PLEKHA1: variants seen among roughly 807,000 people sequenced by gnomAD.
The protein encoded by PLEKHA1 is pleckstrin homology domain-containing family A member 1.
A neutral mutation model predicts 52.0 loss-of-function variants in PLEKHA1; 34 were observed. The observed-to-expected ratio is 0.65, with a 90% confidence interval of 0.50 to 0.87. The LOEUF (loss-of-function observed/expected upper bound fraction) is 0.87. Ranked by LOEUF, PLEKHA1 falls within the 40% of genes least tolerant of loss-of-function variation. The pLI is 0.00. For synonymous variants in PLEKHA1, 163 were observed against 170.7 expected, an observed-to-expected ratio of 0.95 and a Z score of 0.35; for missense variants, 497 against 504.2, an observed-to-expected ratio of 0.99 and a Z score of 0.14.
intron 11 of PLEKHA1, among the ~76,000 whole-genome samples, chr10:122,429,111 A>C (rs2133708990): frequency 6.6e-6 from 1 of 152,364 alleles, no homozygotes; most frequent in African/African-American, 2.4e-5. Flanking sequence ...ACTAAGTCTT[A>C]TCAGCAGAAT....
At position 122,432,127 on chromosome 10, in the gene PLEKHA1, T is replaced by G. The variant is rs2097420896; in HGVS notation, c.*2189T>G. ...AGTCTATGGAAATTATTTAATTATT[T>G]TAAAACGTACACACTTTTCTTGTAA... On this transcript the variant is annotated 3_prime_UTR_variant, in exon 12 of 12. Coordinates refer to ENST00000368990, the MANE Select transcript of PLEKHA1 (RefSeq NM_001001974.4). 1 of 152,224 alleles carries G rather than the reference T, an allele frequency of 6.6e-6. No homozygotes were observed. Among genetic ancestry groups the G allele is most frequent in the Non-Finnish European group, 1.5e-5 (1 of 68,042 alleles). The allele number at this position is 152,224 out of a possible 1,614,324, so 9.4% of individuals were successfully genotyped here.
At chr10:122,391,792 G>T (rs908878174) in intron 1 of PLEKHA1, among the ~76,000 whole-genome samples, 1 of 151,308 alleles carries the variant, frequency 6.6e-6, no homozygotes, top group African/African-American at 2.4e-5. Context: ...TTCCTTTAAA[G>T]TATCAGATTT....
intron 1 of PLEKHA1, chr10:122,392,154 A>G (rs2096784895): frequency 6.6e-6 from 1 of 152,192 alleles, no homozygotes; most frequent in African/African-American, 2.4e-5. Flanking sequence ...TTTAACTTTA[A>G]TCAGTACAAT....
At chr10:122,388,802 G>A (rs903305721) in intron 1 of PLEKHA1, among the ~76,000 whole-genome samples, 17 of 152,186 alleles carry the variant, frequency 1.1e-4, no homozygotes, top group African/African-American at 4.1e-4. Flanking sequence ...GATAGTGGTT[G>A]CTGAAGGTAG....
intron 1 of PLEKHA1, among the ~76,000 whole-genome samples, chr10:122,388,613 C>T (rs2096733497): frequency 6.6e-6 from 1 of 152,180 alleles, no homozygotes; most frequent in Non-Finnish European, 1.5e-5. Flanking sequence ...ACTATGTTTA[C>T]ACTATACTGT....
rs1288367931 is a variant in PLEKHA1, at chr10:122,393,468, T to G, written c.141+127T>G. On this transcript the variant is annotated intron_variant, in intron 2 of 11. Coordinates refer to ENST00000368990, the MANE Select transcript of PLEKHA1 (RefSeq NM_001001974.4). The surrounding 1 kb of genome is among the most constrained non-coding windows in gnomAD (Gnocchi z 4.5). The stretch of plus-strand genomic sequence containing the variant: ...TTTTTAGATTTATTTCTACTGGCTG[T>G]CCTCTCTGCCCTGCACCCCTGACCT... The G allele has an allele frequency of 2.2e-6, 2 of 904,264 alleles. No individual in the cohort carries two copies. The highest frequency in any genetic ancestry group is 6.0e-5 in the East Asian group (2 of 33,416). 56.0% of individuals were successfully genotyped at this position (904,264 alleles called of 1,614,324 possible). A position where few individuals can be genotyped will look rare whatever the true frequency, so the allele number is the denominator to read the frequency against.
Position 122,431,008 on chromosome 10 carries a change from T to A in PLEKHA1, c.*1070T>A, listed in dbSNP as rs1465297599. On this transcript the variant is annotated 3_prime_UTR_variant, in exon 12 of 12. Coordinates refer to ENST00000368990, the MANE Select transcript of PLEKHA1 (RefSeq NM_001001974.4). ...GGTATTCTACTACTTGTGCAATATATATGTTTTAAAAAACAAATTTGAGAA... is the reference window on the plus strand; with the variant it reads ...GGTATTCTACTACTTGTGCAATATAAATGTTTTAAAAAACAAATTTGAGAA... 1 of 152,654 alleles carries A rather than the reference T, an allele frequency of 6.6e-6. No homozygotes were observed. The highest frequency in any genetic ancestry group is 6.5e-5 in the Admixed American group (1 of 15,274). 9.5% of individuals were successfully genotyped at this position (152,654 alleles called of 1,614,324 possible).
At chr10:122,415,781 A>G in intron 6 of PLEKHA1, 78 bp from the exon 7 acceptor site, 2 of 1,373,818 alleles carry the variant, frequency 1.5e-6, no homozygotes, top group South Asian at 2.9e-5. Context: ...GGATTTTAAG[A>G]TTTTCTACTG....
rs972688769 is a variant in PLEKHA1, at chr10:122,393,905, A to G, written c.141+564A>G. Reference sequence around the variant, plus strand: ...TATTTTGTAGTGTCAGATTTGAGTCAGTCATTGTAATGCCATCCATGAACT... The same window carrying G: ...TATTTTGTAGTGTCAGATTTGAGTCGGTCATTGTAATGCCATCCATGAACT... On this transcript the variant is annotated intron_variant, in intron 2 of 11. Coordinates refer to ENST00000368990, the MANE Select transcript of PLEKHA1 (RefSeq NM_001001974.4). The surrounding 1 kb of genome is among the most constrained non-coding windows in gnomAD (Gnocchi z 4.5). Among the ~76,000 whole-genome samples the G allele has an allele frequency of 2.6e-5, 4 of 152,154 alleles. No homozygotes were observed. The highest frequency in any genetic ancestry group is 7.2e-5 in the African/African-American group (3 of 41,426).
downstream of PLEKHA1, chr10:122,437,099 T>C (rs2097441187): frequency 6.6e-6 from 1 of 151,824 alleles, no homozygotes. Flanking sequence ...ATAGGGCCTT[T>C]GGTCCCAATG....
chr10:122,436,607 AGAC>A (rs2097438509), downstream of PLEKHA1: 1 of 152,238 alleles, frequency 6.6e-6, no homozygotes, highest in Non-Finnish European at 1.5e-5. Flanking sequence ...AGACCTAAGA[AGAC>A]GACAAAGATG....
intron 1 of PLEKHA1, among the ~76,000 whole-genome samples, chr10:122,378,917 A>C (rs1160316077): frequency 3.9e-5 from 6 of 152,046 alleles, no homozygotes; most frequent in Non-Finnish European, 7.4e-5. Flanking sequence ...CTCCTGGGAT[A>C]CTTCTTTCCT....
chr10:122,400,477 C>A, intron 4 of PLEKHA1, 89 bp downstream of exon 4: 1 of 1,195,692 alleles, frequency 8.4e-7, no homozygotes, highest in Non-Finnish European at 1.2e-6. Context: ...CCACACAAAA[C>A]CTAGGGCTTA....
At chr10:122,408,006 CCG>C (rs1369422244) in intron 5 of PLEKHA1, among the ~76,000 whole-genome samples, 2 of 152,218 alleles carry the variant, frequency 1.3e-5, no homozygotes, top group African/African-American at 4.8e-5. Flanking sequence ...CGCCTACGCA[CCG>C]CATCTGATCT....
At position 122,430,203 on chromosome 10, in the gene PLEKHA1, A is replaced by G; in HGVS notation, c.*265A>G. The G allele has an allele frequency of 3.0e-6, 1 of 328,786 alleles. No individual in the cohort carries two copies. The highest frequency in any genetic ancestry group is 5.5e-6 in the Non-Finnish European group (1 of 182,558). The allele number at this position is 328,786 out of a possible 1,614,324, so 20.4% of individuals were successfully genotyped here. A position where few individuals can be genotyped will look rare whatever the true frequency, so the allele number is the denominator to read the frequency against. ...ATTGTGTGTTCTCATTCGGGTGGTA[A>G]CAATGTATGTGTAATATTTTTTTCT... On this transcript the variant is annotated 3_prime_UTR_variant, in exon 12 of 12. Transcript: ENST00000368990.
rs774731312 is a variant in PLEKHA1, at chr10:122,417,957, A to C, written c.670A>C (p.Lys224Gln). 6.2e-7 allele frequency: 1 copy of C among 1,609,654 alleles called. No individual in the cohort carries two copies. The change falls in exon 8 of 12, where the codon AAA (lysine) becomes CAA (glutamine). Residue 224 changes from lysine (K) to glutamine (Q), a missense_variant. Physicochemically the swap from Lys to Gln is moderately conservative, Grantham distance 53. Coordinates refer to ENST00000368990, the MANE Select transcript of PLEKHA1 (RefSeq NM_001001974.4). Reference sequence around the variant, plus strand: ...GGATGAAAACACAATAGGCTACTTCAAATCTGAACTGGTATGTTGTTACGT... The same window carrying C: ...GGATGAAAACACAATAGGCTACTTCCAATCTGAACTGGTATGTTGTTACGT... The part of the protein sequence containing the change: ...QLDENTIGYF[K>Q]SELEKEPLRV...
chr10:122,376,532 AT>A (rs2096539854), intron 1 of PLEKHA1, among the ~76,000 whole-genome samples: 2 of 128,332 alleles, frequency 1.6e-5, no homozygotes, highest in African/African-American at 6.0e-5. Context: ...ATATATATAT[AT>A]AATATAAATA....
chr10:122,433,168 G>T (rs1281924258), downstream of PLEKHA1: 1 of 152,174 alleles, frequency 6.6e-6, no homozygotes, highest in Non-Finnish European at 1.5e-5. Flanking sequence ...TTCATGTCCT[G>T]TTGGGGCTCT....
rs1459885146 is a variant in PLEKHA1, at chr10:122,430,366, C to T, written c.*428C>T. 1 of 156,350 alleles carries T rather than the reference C, an allele frequency of 6.4e-6. No homozygotes were observed. The highest frequency in any genetic ancestry group is 1.4e-5 in the Non-Finnish European group (1 of 70,670). 9.7% of individuals were successfully genotyped at this position (156,350 alleles called of 1,614,324 possible). A position where few individuals can be genotyped will look rare whatever the true frequency, so the allele number is the denominator to read the frequency against. ...TACACATTCTTATTGGTTGATATTA[C>T]CACATGAAATATTGCCAGACCAAGA... On this transcript the variant is annotated 3_prime_UTR_variant, in exon 12 of 12. Coordinates refer to ENST00000368990, the MANE Select transcript of PLEKHA1 (RefSeq NM_001001974.4).
Sources: allele counts gnomAD v4.1 joint callset (sites outside exome capture counted in the v4.1 genomes callset), GRCh38; gene constraint gnomAD v4.1.1; non-coding constraint Gnocchi (gnomAD v3.1); transcripts MANE v1.5; gene names NCBI Gene and HGNC (gene_info 2026-07-23, HGNC 2026-07-21).